PPM1E: variants seen among roughly 807,000 people sequenced by gnomAD.
PPM1E encodes protein phosphatase 1E.
A neutral mutation model predicts 65.9 loss-of-function variants in PPM1E; 20 were observed. The ratio of observed to expected loss-of-function variants is 0.30; its 90% CI spans 0.21 to 0.44. The LOEUF (loss-of-function observed/expected upper bound fraction) is 0.44, where lower values mean the gene tolerates loss of function less well. PPM1E is among the 20% of genes least tolerant of loss of function. PPM1E has a pLI of 1.00. For synonymous variants in PPM1E, 352 were observed against 374.9 expected (o/e 0.94, Z 0.70); for missense variants, 713 against 953.1 (o/e 0.75, Z 3.32).
intron 1 of PPM1E, among the ~76,000 whole-genome samples, chr17:58,816,794 A>ATTTTTT (rs71367634): frequency 3.0e-4 from 5 of 16,652 alleles, no homozygotes; most frequent in Admixed American, 9.4e-4. Flanking sequence ...ATATATATAT[A>ATTTTTT]TTTTTTTTTT....
At chr17:58,954,879 C>CA (rs10715470) in intron 1 of PPM1E, among the ~76,000 whole-genome samples, 9,461 of 100,864 alleles carry the variant, frequency 0.094, 475 homozygotes, top group Non-Finnish European at 0.13. Context: ...GAGTCTCTCT[C>CA]AAAAAAAAAA....
intron 1 of PPM1E, among the ~76,000 whole-genome samples, chr17:58,833,339 A>G (rs977815446): frequency 1.3e-5 from 2 of 148,982 alleles, no homozygotes; most frequent in South Asian, 2.2e-4. Flanking sequence ...ATCATCTAGT[A>G]TGTGACCTTT....
At chr17:58,950,072 A>C (rs894375839) in intron 1 of PPM1E, among the ~76,000 whole-genome samples, 7 of 152,138 alleles carry the variant, frequency 4.6e-5, no homozygotes, top group African/African-American at 1.4e-4. Flanking sequence ...ACCTTTTGAC[A>C]ATTTGACAGC....
In PPM1E at chr17:58,983,468, T is replaced by C. The variant is rs1012502628; in HGVS notation, c.*2437T>C. 2.0e-5 allele frequency: 3 copies of C among 152,748 alleles called. No homozygotes were observed. Among genetic ancestry groups the C allele is most frequent in the Admixed American group, 1.3e-4 (2 of 15,272 alleles). 9.5% of individuals were successfully genotyped at this position (152,748 alleles called of 1,614,324 possible). A position where few individuals can be genotyped will look rare whatever the true frequency, so the allele number is the denominator to read the frequency against. On this transcript the variant is annotated 3_prime_UTR_variant, in exon 7 of 7. Coordinates refer to ENST00000308249, the MANE Select transcript of PPM1E (RefSeq NM_014906.5). ...TGTTCTCTCTTAACGCCACTGGTGATAGGAAGTAGTTCCCTTCAGTTCAAA... is the reference window on the plus strand; with the variant it reads ...TGTTCTCTCTTAACGCCACTGGTGACAGGAAGTAGTTCCCTTCAGTTCAAA...
intron 1 of PPM1E, among the ~76,000 whole-genome samples, chr17:58,783,742 CTG>C (rs948732863): frequency 3.9e-5 from 6 of 152,132 alleles, no homozygotes; most frequent in African/African-American, 1.4e-4. Flanking sequence ...GAGTCCCACT[CTG>C]TTACCCAGGC....
intron 1 of PPM1E, among the ~76,000 whole-genome samples, chr17:58,808,196 T>C (rs2050333090): frequency 6.6e-6 from 1 of 152,218 alleles, no homozygotes; most frequent in Non-Finnish European, 1.5e-5. Context: ...AATTTTATGC[T>C]GGCTTATTTA....
chr17:58,814,621 T>G (rs988934512), intron 1 of PPM1E, among the ~76,000 whole-genome samples: 2 of 152,222 alleles, frequency 1.3e-5, no homozygotes, highest in Non-Finnish European at 2.9e-5. Flanking sequence ...GACTGTACAG[T>G]GCATTATTCC....
chr17:58,954,819 G>T (rs1455358047), intron 1 of PPM1E, among the ~76,000 whole-genome samples: 1 of 146,146 alleles, frequency 6.8e-6, no homozygotes, highest in Non-Finnish European at 1.5e-5. Context: ...GGCAGAGATT[G>T]CAATGAGCCA....
At chr17:58,784,284 A>C (rs1260852855) in intron 1 of PPM1E, among the ~76,000 whole-genome samples, 2 of 152,096 alleles carry the variant, frequency 1.3e-5, no homozygotes, top group African/African-American at 4.8e-5. Context: ...AGGCCTCTCA[A>C]AGTGCTGGGA....
chr17:58,902,575 T>C (rs988146208), intron 1 of PPM1E, among the ~76,000 whole-genome samples: 2 of 152,110 alleles, frequency 1.3e-5, no homozygotes, highest in Non-Finnish European at 2.9e-5. Flanking sequence ...GAACACTTAA[T>C]GAGATTGCTT....
chr17:58,784,525 G>A (rs1427018347), intron 1 of PPM1E, among the ~76,000 whole-genome samples: 6 of 135,420 alleles, frequency 4.4e-5, no homozygotes, highest in African/African-American at 1.3e-4. Context: ...TTTTTGAGAC[G>A]GAGTCTTTAT....
chr17:58,982,711 T>G lies in PPM1E; in HGVS notation c.*1680T>G. 1 of 517,182 alleles carries G rather than the reference T, an allele frequency of 1.9e-6. No individual in the cohort carries two copies. The highest frequency in any genetic ancestry group is 3.4e-6 in the Non-Finnish European group (1 of 291,710). 32.0% of individuals were successfully genotyped at this position (517,182 alleles called of 1,614,324 possible). A position where few individuals can be genotyped will look rare whatever the true frequency, so the allele number is the denominator to read the frequency against. Reference sequence around the variant, plus strand: ...TGGATGTAAGTAGAGACTTTCAGTATTTGTTTTCTCTTGATTTTGAAGTCA... The same window carrying G: ...TGGATGTAAGTAGAGACTTTCAGTAGTTGTTTTCTCTTGATTTTGAAGTCA... On this transcript the variant is annotated 3_prime_UTR_variant, in exon 7 of 7. Coordinates refer to ENST00000308249, the MANE Select transcript of PPM1E (RefSeq NM_014906.5).
intron 1 of PPM1E, among the ~76,000 whole-genome samples, chr17:58,924,894 A>G (rs1373477062): frequency 3.9e-5 from 6 of 152,132 alleles, no homozygotes; most frequent in Non-Finnish European, 5.9e-5. Context: ...ATGTCCCTGC[A>G]AAGAACATGA....
intron 1 of PPM1E, among the ~76,000 whole-genome samples, chr17:58,804,447 G>T (rs2143065266): frequency 6.6e-6 from 1 of 151,982 alleles, no homozygotes; most frequent in South Asian, 2.1e-4. Context: ...AACTAGATTT[G>T]TCACCCAGCT....
At chr17:58,825,263 C>CACACACAA (rs199857029) in intron 1 of PPM1E, among the ~76,000 whole-genome samples, 9 of 133,388 alleles carry the variant, frequency 6.7e-5, no homozygotes, top group African/African-American at 2.7e-4. Flanking sequence ...CACACACACA[C>CACACACAA]AAAAATAAAT....
intron 1 of PPM1E, among the ~76,000 whole-genome samples, chr17:58,883,490 T>TC (rs2143400249): frequency 6.8e-6 from 1 of 147,550 alleles, no homozygotes; most frequent in East Asian, 2.0e-4. Flanking sequence ...GTTCTTTTTT[T>TC]TTTTTTTTTT....
chr17:58,953,586 T>C (rs1248217302), intron 1 of PPM1E, among the ~76,000 whole-genome samples: 1 of 152,202 alleles, frequency 6.6e-6, no homozygotes, highest in Non-Finnish European at 1.5e-5. Context: ...AACATGAAAT[T>C]TGAAATATCC....
intron 1 of PPM1E, among the ~76,000 whole-genome samples, chr17:58,851,780 C>A (rs531224731): frequency 3.3e-5 from 5 of 152,340 alleles, no homozygotes; most frequent in African/African-American, 1.2e-4. Flanking sequence ...AAATTCCATG[C>A]TGGGAGAACC....
At chr17:58,943,547 G>T (rs1472541414) in intron 1 of PPM1E, among the ~76,000 whole-genome samples, 1 of 152,120 alleles carries the variant, frequency 6.6e-6, no homozygotes, top group African/African-American at 2.4e-5. Flanking sequence ...TTTCATATCT[G>T]CTCTGACTTC....
Sources: gnomAD v4.1 joint callset for allele counts (sites outside exome capture counted in the v4.1 genomes callset) on GRCh38, gnomAD v4.1.1 for gene constraint, MANE v1.5 for transcripts, NCBI Gene and HGNC (gene_info 2026-07-23, HGNC 2026-07-21) for gene names.